The following PRDM16 variants were observed in gnomAD, a reference collection of about 807,000 sequenced individuals.
PRDM16 encodes the protein PR/SET domain 16, also known as histone-lysine N-methyltransferase PRDM16.
PRDM16 carries 23 observed loss-of-function variants against 110.6 expected under a neutral mutation model. The ratio of observed to expected loss-of-function variants is 0.21; its 90% CI spans 0.15 to 0.29. The LOEUF is 0.29. Ranked by LOEUF, PRDM16 falls within the 10% of genes least tolerant of loss-of-function variation. The pLI is 1.00. For synonymous variants in PRDM16, 799 were observed against 781.8 expected, an observed-to-expected ratio of 1.02 and a Z score of -0.37; for missense variants, 1,615 against 1,794.3, an observed-to-expected ratio of 0.90 and a Z score of 1.81.
At chr1:3,335,455 T>G (rs889541905) in intron 3 of PRDM16, among the ~76,000 whole-genome samples, 2 of 152,310 alleles carry the variant, frequency 1.3e-5, no homozygotes, top group Admixed American at 1.3e-4. Flanking sequence ...CGTTAGCACG[T>G]CGCATGTCCG....
chr1:3,238,117 C>T (rs1359373814), intron 2 of PRDM16: 1 of 152,248 alleles, frequency 6.6e-6, no homozygotes, highest in Non-Finnish European at 1.5e-5. Flanking sequence ...GGGCCATTCC[C>T]TCCTGTCGCA....
At chr1:3,115,692 G>A (rs1394222102) in intron 1 of PRDM16, among the ~76,000 whole-genome samples, 6 of 152,178 alleles carry the variant, frequency 3.9e-5, no homozygotes, top group East Asian at 1.9e-4. Context: ...GGGGGCTGCC[G>A]CTGGCCTGGG....
At chr1:3,366,981 G>T (rs560318843) in intron 3 of PRDM16, among the ~76,000 whole-genome samples, 13 of 152,260 alleles carry the variant, frequency 8.5e-5, no homozygotes, top group African/African-American at 1.9e-4. Flanking sequence ...TAAAGATGGA[G>T]CAAGGGCCGG....
At chr1:3,313,311 C>G (rs895607483) in intron 3 of PRDM16, among the ~76,000 whole-genome samples, 2 of 152,220 alleles carry the variant, frequency 1.3e-5, no homozygotes, top group African/African-American at 4.8e-5. Context: ...GAGTCAGCGC[C>G]GAGCGGTGAG....
rs1271532386 is a variant in PRDM16, at chr1:3,382,381, C to T, written c.439-2771C>T. On this transcript the variant is annotated intron_variant, in intron 3 of 16. Coordinates refer to ENST00000270722, the MANE Select transcript of PRDM16 (RefSeq NM_022114.4). This position sits in a 1 kb window ranked among gnomAD's most constrained non-coding sequence, Gnocchi z 6.6. ...GGCAGGCAGTGACCTCCCTGGACAG[C>T]GTGAGGACCCTTCCTGCAGCCCCTT... Among the ~76,000 whole-genome samples, 2 of 152,198 alleles carry T rather than the reference C, an allele frequency of 1.3e-5. No homozygotes were observed. The highest frequency in any genetic ancestry group is 4.8e-5 in the African/African-American group (2 of 41,444).
At chr1:3,404,694 A>T (rs770423860) in intron 6 of PRDM16, 45 bp from the exon 7 acceptor site, 1 of 1,607,632 alleles carries the variant, frequency 6.2e-7, no homozygotes, top group Non-Finnish European at 8.5e-7. Context: ...TCCCGGGCAG[A>T]GGGCAGGTAG....
chr1:3,345,770 C>T (rs1369803669), intron 3 of PRDM16, among the ~76,000 whole-genome samples: 1 of 75,016 alleles, frequency 1.3e-5, no homozygotes, highest in Middle Eastern at 7.8e-3. Flanking sequence ...CGGGTCCTCC[C>T]GTGCTGCCCC....
At chr1:3,151,057 C>T (rs1173132131) in intron 1 of PRDM16, among the ~76,000 whole-genome samples, 1 of 152,052 alleles carries the variant, frequency 6.6e-6, no homozygotes, top group Non-Finnish European at 1.5e-5. Context: ...GCTGGTCCTC[C>T]AGCAGCCACC....
At chr1:3,286,436 T>C (rs1390178654) in intron 3 of PRDM16, among the ~76,000 whole-genome samples, 4 of 151,892 alleles carry the variant, frequency 2.6e-5, no homozygotes, top group Non-Finnish European at 5.9e-5. Flanking sequence ...GGTTCCTGTT[T>C]CCCATCAGCA....
chr1:3,291,440 G>C (rs1476176134), intron 3 of PRDM16, among the ~76,000 whole-genome samples: 1 of 152,168 alleles, frequency 6.6e-6, no homozygotes, highest in Admixed American at 6.5e-5. Flanking sequence ...CCAAGGAAAG[G>C]CATCTGACCT....
At chr1:3,097,116 G>A (rs527527176) in intron 1 of PRDM16, among the ~76,000 whole-genome samples, 11 of 152,280 alleles carry the variant, frequency 7.2e-5, no homozygotes, top group Admixed American at 3.3e-4. Flanking sequence ...TAGGGAGAGC[G>A]GTGCCGAGAA....
At chr1:3,088,396 C>A (rs544817957) in intron 1 of PRDM16, among the ~76,000 whole-genome samples, 1 of 152,012 alleles carries the variant, frequency 6.6e-6, no homozygotes, top group Admixed American at 6.6e-5. Flanking sequence ...CAGTAACAAC[C>A]CCCCCAGCAG....
intron 3 of PRDM16, among the ~76,000 whole-genome samples, chr1:3,329,337 A>T (rs1434907989): frequency 6.6e-6 from 1 of 152,136 alleles, no homozygotes. Flanking sequence ...GGGGTCAAGC[A>T]TCCGGGTAGG....
intron 1 of PRDM16, among the ~76,000 whole-genome samples, chr1:3,107,371 G>C (rs989236971): frequency 6.6e-6 from 1 of 152,172 alleles, no homozygotes; most frequent in Non-Finnish European, 1.5e-5. Flanking sequence ...CATTGATTTT[G>C]TGCCCAGGTG....
At chr1:3,103,354 A>G (rs1342041116) in intron 1 of PRDM16, among the ~76,000 whole-genome samples, 2 of 152,262 alleles carry the variant, frequency 1.3e-5, no homozygotes, top group East Asian at 1.9e-4. Flanking sequence ...CACCCGTCCT[A>G]TTGGATTAGG....
intron 3 of PRDM16, among the ~76,000 whole-genome samples, chr1:3,264,160 A>G (rs1557566198): frequency 6.6e-6 from 1 of 152,194 alleles, no homozygotes; most frequent in Non-Finnish European, 1.5e-5. Flanking sequence ...CAATGACACG[A>G]GCAGTTACAA....
At chr1:3,332,362 C>T (rs941695306) in intron 3 of PRDM16, among the ~76,000 whole-genome samples, 7 of 152,076 alleles carry the variant, frequency 4.6e-5, no homozygotes, top group Admixed American at 4.6e-4. Flanking sequence ...GCGAGTAATC[C>T]CCAGGCCTCT....
chr1:3,227,146 G>A (rs1639306588), intron 2 of PRDM16, among the ~76,000 whole-genome samples: 1 of 152,258 alleles, frequency 6.6e-6, no homozygotes, highest in Non-Finnish European at 1.5e-5. Flanking sequence ...GCCTTTGCAG[G>A]AGCCAGCCTG....
chr1:3,142,726 C>G (rs998883459), intron 1 of PRDM16, among the ~76,000 whole-genome samples: 2 of 151,850 alleles, frequency 1.3e-5, no homozygotes. Context: ...GGATGTGGAC[C>G]GTATTAACTG....
Sources: gnomAD v4.1 joint callset for allele counts (sites outside exome capture counted in the v4.1 genomes callset) on GRCh38, gnomAD v4.1.1 for gene constraint, Gnocchi (gnomAD v3.1) non-coding constraint, MANE v1.5 for transcripts, NCBI Gene and HGNC (gene_info 2026-07-23, HGNC 2026-07-21) for gene names.